RPS6KC1: variants seen among roughly 807,000 people sequenced by gnomAD.
RPS6KC1 encodes the protein ribosomal protein S6 kinase C1, also known as inactive ribosomal protein S6 kinase delta-1.
Under a neutral mutation model 103.8 loss-of-function variants are expected in RPS6KC1, and 54 were observed. That is an observed-to-expected ratio of 0.52 (90% CI 0.42 to 0.65). The LOEUF is 0.65. Among genes scored for constraint, RPS6KC1 ranks in the 30% least tolerant of loss-of-function variants. The pLI, the probability that RPS6KC1 is intolerant of heterozygous loss-of-function variation, is 0.00. For missense variants in RPS6KC1, 1,151 were observed against 1,253.8 expected (o/e 0.92, Z 1.24); for synonymous variants, 439 against 438.7 (o/e 1.00, Z -0.01).
At chr1:213,379,795 A>G in the RPS6KC1 span, among the ~76,000 whole-genome samples, 1 of 152,142 alleles carries the variant, frequency 6.6e-6, no homozygotes, top group South Asian at 2.1e-4. Context: ...CACACCAGTT[A>G]CAATATCTAT....
At chr1:213,823,234 C>A in the RPS6KC1 span, among the ~76,000 whole-genome samples, 1 of 152,180 alleles carries the variant, frequency 6.6e-6, no homozygotes, top group Middle Eastern at 3.2e-3. Context: ...ATCCTACCTT[C>A]TTTAATATGC....
chr1:213,481,949 G>A, the RPS6KC1 span, among the ~76,000 whole-genome samples: 2 of 152,148 alleles, frequency 1.3e-5, no homozygotes, highest in Non-Finnish European at 2.9e-5. Context: ...GTGATGGCAA[G>A]TGAGTTATCG....
the RPS6KC1 span, among the ~76,000 whole-genome samples, chr1:213,414,910 C>T: frequency 7.2e-5 from 11 of 152,096 alleles, no homozygotes; most frequent in Admixed American, 3.9e-4. Flanking sequence ...TCCTGCCTCC[C>T]CCACACAGTG....
intron 8 of RPS6KC1, among the ~76,000 whole-genome samples, chr1:213,182,204 TA>T (rs2092304504): frequency 6.6e-6 from 1 of 152,136 alleles, no homozygotes; most frequent in African/African-American, 2.4e-5. Flanking sequence ...TAAAAAATGC[TA>T]TATAGGTTGG....
At chr1:213,636,762 A>G in the RPS6KC1 span, among the ~76,000 whole-genome samples, 1 of 152,244 alleles carries the variant, frequency 6.6e-6, no homozygotes, top group African/African-American at 2.4e-5. Flanking sequence ...AAAATTGACA[A>G]ATGGGATCTA....
intron 2 of RPS6KC1, among the ~76,000 whole-genome samples, chr1:213,074,709 G>C (rs906524669): frequency 4.0e-5 from 6 of 151,828 alleles, no homozygotes; most frequent in Non-Finnish European, 2.9e-5. Flanking sequence ...CACCTGGGGG[G>C]TTCTAATTCT....
At chr1:213,689,341 A>C in the RPS6KC1 span, among the ~76,000 whole-genome samples, 1 of 152,112 alleles carries the variant, frequency 6.6e-6, no homozygotes, top group African/African-American at 2.4e-5. Context: ...ACTCCACCCC[A>C]TCCCATGCCC....
At chr1:213,771,830 G>A in the RPS6KC1 span, among the ~76,000 whole-genome samples, 1 of 152,148 alleles carries the variant, frequency 6.6e-6, no homozygotes, top group African/African-American at 2.4e-5. Flanking sequence ...AGCATTTTAA[G>A]AGGGGCCAAA....
intron 8 of RPS6KC1, among the ~76,000 whole-genome samples, chr1:213,224,962 G>T (rs2093924491): frequency 6.6e-6 from 1 of 152,200 alleles, no homozygotes; most frequent in Admixed American, 6.5e-5. Flanking sequence ...TTTGTGTACA[G>T]CTGTATGGCT....
chr1:213,526,260 G>A, the RPS6KC1 span, among the ~76,000 whole-genome samples: 1 of 152,202 alleles, frequency 6.6e-6, no homozygotes, highest in African/African-American at 2.4e-5. Context: ...TCACCAGAGA[G>A]TCCAGAGGGT....
At chr1:213,469,886 G>A in the RPS6KC1 span, among the ~76,000 whole-genome samples, 1 of 152,166 alleles carries the variant, frequency 6.6e-6, no homozygotes. Flanking sequence ...CGAGTGTGGT[G>A]ACACATGCTT....
chr1:213,730,816 CT>C, the RPS6KC1 span, among the ~76,000 whole-genome samples: 1 of 152,142 alleles, frequency 6.6e-6, no homozygotes, highest in Non-Finnish European at 1.5e-5. Flanking sequence ...GTTGCAATTG[CT>C]TTTGGCATCT....
the RPS6KC1 span, among the ~76,000 whole-genome samples, chr1:213,309,569 G>A: frequency 0.88 from 133,461 of 152,252 alleles, 59,221 homozygotes; most frequent in Non-Finnish European, 0.95. Flanking sequence ...TGAACATGTT[G>A]CACAAGGTCA....
At chr1:213,415,563 C>T in the RPS6KC1 span, among the ~76,000 whole-genome samples, 1 of 152,232 alleles carries the variant, frequency 6.6e-6, no homozygotes, top group African/African-American at 2.4e-5. Context: ...AGCTTCACTT[C>T]CAGCCCCTCA....
At chr1:213,203,801 C>T (rs2148601790) in intron 8 of RPS6KC1, among the ~76,000 whole-genome samples, 1 of 152,278 alleles carries the variant, frequency 6.6e-6, no homozygotes, top group South Asian at 2.1e-4. Flanking sequence ...TGTTAAGGGC[C>T]CCATTAGCCT....
At chr1:213,436,584 A>G in the RPS6KC1 span, among the ~76,000 whole-genome samples, 6 of 152,200 alleles carry the variant, frequency 3.9e-5, no homozygotes, top group African/African-American at 1.4e-4. Context: ...TTGACTCTAC[A>G]TATCAAGTAG....
At chr1:213,634,348 A>G in the RPS6KC1 span, among the ~76,000 whole-genome samples, 2 of 152,320 alleles carry the variant, frequency 1.3e-5, no homozygotes, top group East Asian at 3.9e-4. Context: ...TCCTTAGCAA[A>G]TGTAAAAGAA....
the RPS6KC1 span, among the ~76,000 whole-genome samples, chr1:213,728,015 G>A: frequency 3.9e-5 from 6 of 152,168 alleles, no homozygotes; most frequent in Non-Finnish European, 8.8e-5. Context: ...GAGAGTCACA[G>A]GGGAGAAGAA....
the RPS6KC1 span, among the ~76,000 whole-genome samples, chr1:213,803,426 T>TAG: frequency 1.3e-5 from 2 of 151,974 alleles, no homozygotes; most frequent in Non-Finnish European, 2.9e-5. Context: ...TTTGTATTTT[T>TAG]AGTAGAGATG....
Sources: gnomAD v4.1 joint callset for allele counts (sites outside exome capture counted in the v4.1 genomes callset) on GRCh38, gnomAD v4.1.1 for gene constraint, MANE v1.5 for transcripts, NCBI Gene and HGNC (gene_info 2026-07-23, HGNC 2026-07-21) for gene names.